The following ADGRB2 variants were observed in gnomAD, a reference collection of about 807,000 sequenced individuals.
The protein encoded by ADGRB2 is adhesion G protein-coupled receptor B2, also known as brain-specific angiogenesis inhibitor 2.
In ADGRB2, 47 loss-of-function variants were observed where a neutral mutation model predicts 178.7. That is an observed-to-expected ratio of 0.26 (90% CI 0.21 to 0.34). The LOEUF (loss-of-function observed/expected upper bound fraction) is 0.34, where lower values mean the gene tolerates loss of function less well. Ranked by LOEUF, ADGRB2 falls within the 10% of genes least tolerant of loss-of-function variation. The pLI, the probability that ADGRB2 is intolerant of heterozygous loss-of-function variation, is 1.00. For missense variants in ADGRB2, 1,584 were observed against 2,180.8 expected, an observed-to-expected ratio of 0.73 and a Z score of 5.45; for synonymous variants, 870 against 912.4, an observed-to-expected ratio of 0.95 and a Z score of 0.84.
intron 6 of ADGRB2, among the ~76,000 whole-genome samples, chr1:31,743,990 A>G (rs1333354528): frequency 3.3e-5 from 5 of 152,190 alleles, no homozygotes; most frequent in Non-Finnish European, 7.4e-5. Context: ...GCCCAGTAGC[A>G]TGGGCCCTGG....
rs1646667278 is a variant in ADGRB2, at chr1:31,753,217, A to G, written c.838+2782T>C. 6.6e-6 allele frequency among the ~76,000 whole-genome samples: 1 copy of G among 152,156 alleles called. No homozygotes were observed. Among genetic ancestry groups the G allele is most frequent in the African/African-American group, 2.4e-5 (1 of 41,436 alleles). On this transcript the variant is annotated intron_variant, in intron 4 of 32. Transcript: ENST00000373658. This position sits in a 1 kb window ranked among gnomAD's most constrained non-coding sequence, Gnocchi z 4.1. ...CCAGCCTCCGTGCCAGTCCTCCACCAAGCTCCTTCCTGCCTGCCTTTCTTT... is the reference window on the plus strand; with the variant it reads ...CCAGCCTCCGTGCCAGTCCTCCACCGAGCTCCTTCCTGCCTGCCTTTCTTT...
At chr1:31,731,732 G>GCAT (rs1303203487) in intron 28 of ADGRB2, among the ~76,000 whole-genome samples, 1 of 152,156 alleles carries the variant, frequency 6.6e-6, no homozygotes, top group Non-Finnish European at 1.5e-5. Context: ...ACCTCCCTGT[G>GCAT]CATCAGCTCC....
intron 27 of ADGRB2, 26 bp from the exon 28 acceptor site, chr1:31,732,180 T>G (rs1168598398): frequency 6.8e-6 from 11 of 1,613,916 alleles, no homozygotes; most frequent in Non-Finnish European, 8.5e-6. Flanking sequence ...GAGGGGCAGG[T>G]GGGCAGAGGG....
rs1645698139 is a variant in ADGRB2, at chr1:31,737,717, C to T, written c.2811G>A (p.Val937=). The part of the protein sequence containing the change: ...ELAGSPSVPL[V]IGCAVSCMAL... ...CCATGCACGACACTGCACAGCCGAT[C>T]ACCAGGGGGACCGAGGGGGAGCCCG... The change falls in exon 19 of 33, where the codon GTG becomes GTA. Residue 937 remains valine, a synonymous_variant. Coordinates refer to ENST00000373658, the MANE Select transcript of ADGRB2 (RefSeq NM_001364857.2). 1 of 1,613,712 alleles carries T rather than the reference C, an allele frequency of 6.2e-7. No individual in the cohort carries two copies. The highest frequency in any genetic ancestry group is 2.2e-5 in the East Asian group (1 of 44,886).
At chr1:31,736,855 AG>A (rs2148924150) in intron 20 of ADGRB2, 132 bp from the exon 21 acceptor site, 2 of 1,377,750 alleles carry the variant, frequency 1.5e-6, no homozygotes, top group East Asian at 5.0e-5. Context: ...GAGCCCTGCC[AG>A]GCACCCCCGC....
chr1:31,744,798 G>A lies in ADGRB2; in HGVS notation c.839-67C>T, dbSNP rs1353255652. ...CTAGGTTCTGTTACAGTGGCACAGT[G>A]AAGGCAGCCTTCCTTGCCCTCCGCC... On this transcript the variant is annotated intron_variant, in intron 4 of 32. Transcript: ENST00000373658. The surrounding 1 kb of genome is among the most constrained non-coding windows in gnomAD (Gnocchi z 6.7). 1.0e-5 allele frequency: 16 copies of A among 1,530,480 alleles called. No individual in the cohort carries two copies. The highest frequency in any genetic ancestry group is 1.4e-5 in the Non-Finnish European group (16 of 1,106,490). The allele number at this position is 1,530,480 out of a possible 1,614,324, so 94.8% of individuals were successfully genotyped here.
chr1:31,753,795 C>T lies in ADGRB2; in HGVS notation c.838+2204G>A, dbSNP rs2149041235. 6.6e-6 allele frequency among the ~76,000 whole-genome samples: 1 copy of T among 152,290 alleles called. No individual in the cohort carries two copies. The highest frequency in any genetic ancestry group is 1.5e-5 in the Non-Finnish European group (1 of 68,028). The stretch of plus-strand genomic sequence containing the variant: ...AGTCATGTGCCCGCTATGTCTCACA[C>T]CAGAAAGGTTGGGCAGGAGGGAGGG... On this transcript the variant is annotated intron_variant, in intron 4 of 32. Coordinates refer to ENST00000373658, the MANE Select transcript of ADGRB2 (RefSeq NM_001364857.2). This position sits in a 1 kb window ranked among gnomAD's most constrained non-coding sequence, Gnocchi z 4.1.
chr1:31,744,413 A>G lies in ADGRB2; in HGVS notation c.923-56T>C, dbSNP rs1029224497. 1.3e-6 allele frequency: 2 copies of G among 1,532,596 alleles called. No individual in the cohort carries two copies. The highest frequency in any genetic ancestry group is 1.8e-6 in the Non-Finnish European group (2 of 1,138,666). 94.9% of individuals were successfully genotyped at this position (1,532,596 alleles called of 1,614,324 possible). ...GGGCACCTCCCAAGCACTCAGTCTC[A>G]TAGGGATAGGGGGAGTGGCAGTAAG... On this transcript the variant is annotated intron_variant, in intron 5 of 32. Transcript: ENST00000373658. The surrounding 1 kb of genome is among the most constrained non-coding windows in gnomAD (Gnocchi z 6.7).
At chr1:31,736,078 A>G (rs540998215) in intron 22 of ADGRB2, among the ~76,000 whole-genome samples, 185 bp from the exon 23 acceptor site, 1 of 152,316 alleles carries the variant, frequency 6.6e-6, no homozygotes, top group Non-Finnish European at 1.5e-5. Flanking sequence ...GGTCCAGAAC[A>G]TTAGGCTCAT....
intron 4 of ADGRB2, among the ~76,000 whole-genome samples, chr1:31,750,210 T>A (rs1380438622): frequency 6.6e-6 from 1 of 152,208 alleles, no homozygotes; most frequent in Non-Finnish European, 1.5e-5. Flanking sequence ...TATGGCCTAG[T>A]CCCCAGGCCA....
At chr1:31,743,759 G>A (rs575260156) in intron 6 of ADGRB2, 1 of 158,894 alleles carries the variant, frequency 6.3e-6, no homozygotes, top group East Asian at 1.9e-4. Flanking sequence ...GTGTCCAAAG[G>A]AAGGAGGGGA....
Position 31,759,428 on chromosome 1 carries a change from C to G in ADGRB2, c.-190-1917G>C, listed in dbSNP as rs1473144206. 1.3e-6 allele frequency: 1 copy of G among 776,396 alleles called. No individual in the cohort carries two copies. Among genetic ancestry groups the G allele is most frequent in the Non-Finnish European group, 2.4e-6 (1 of 416,124 alleles). 48.1% of individuals were successfully genotyped at this position (776,396 alleles called of 1,614,324 possible). ...TGAAGCTGGATCTCCCTCCCCTACCCTGCTCCTAGGCTGCTGCTCCCTACT... is the reference window on the plus strand; with the variant it reads ...TGAAGCTGGATCTCCCTCCCCTACCGTGCTCCTAGGCTGCTGCTCCCTACT... On this transcript the variant is annotated intron_variant, in intron 1 of 32. Coordinates refer to ENST00000373658, the MANE Select transcript of ADGRB2 (RefSeq NM_001364857.2). The surrounding 1 kb of genome is among the most constrained non-coding windows in gnomAD (Gnocchi z 4.3).
intron 3 of ADGRB2, 146 bp downstream of exon 3, chr1:31,757,055 G>C (rs1570079724): frequency 1.4e-6 from 2 of 1,388,100 alleles, no homozygotes; most frequent in African/African-American, 2.9e-5. Context: ...GGTGAAATAA[G>C]TAAGGGAAAG....
In ADGRB2 at chr1:31,735,791, G is replaced by A. The variant is rs752866190; in HGVS notation, c.3267+36C>T. Reference sequence around the variant, plus strand: ...GGGAGAAACAGGATGACCCTCTGGGGCCATGCCCCTTCCAAGATGCTGAAC... The same window carrying A: ...GGGAGAAACAGGATGACCCTCTGGGACCATGCCCCTTCCAAGATGCTGAAC... On this transcript the variant is annotated intron_variant, in intron 23 of 32. Transcript: ENST00000373658. This position sits in a 1 kb window ranked among gnomAD's most constrained non-coding sequence, Gnocchi z 6.0. 5.6e-6 allele frequency: 9 copies of A among 1,603,306 alleles called. No homozygotes were observed. Among genetic ancestry groups the A allele is most frequent in the Non-Finnish European group, 7.7e-6 (9 of 1,173,810 alleles).
chr1:31,745,388 G>T (rs1646220239), intron 4 of ADGRB2, among the ~76,000 whole-genome samples: 1 of 152,232 alleles, frequency 6.6e-6, no homozygotes, highest in Non-Finnish European at 1.5e-5. Context: ...TGCTGGCCCT[G>T]AGGCCAGGAG....
rs762555863 is a variant in ADGRB2, at chr1:31,741,864, C to T, written c.1521G>A (p.Thr507=). Residue 507 remains threonine, a synonymous_variant, in exon 9 of 33, where the codon ACG becomes ACA. Coordinates refer to ENST00000373658, the MANE Select transcript of ADGRB2 (RefSeq NM_001364857.2). The surrounding 1 kb of genome is among the most constrained non-coding windows in gnomAD (Gnocchi z 6.5). Reference sequence around the variant, plus strand: ...CGGTGCCCTCGCAGGGGTAGCCCTGCGTGCCCGTGGCCTGGCACATGCGGA... The same window carrying T: ...CGGTGCCCTCGCAGGGGTAGCCCTGTGTGCCCGTGGCCTGGCACATGCGGA... The part of the protein sequence containing the change: ...RRFRMCQATG[T]QGYPCEGTGE... 67 of 1,610,324 alleles carry T rather than the reference C, an allele frequency of 4.2e-5. No homozygotes were observed. Among genetic ancestry groups the T allele is most frequent in the Admixed American group, 3.7e-4 (22 of 59,816 alleles).
rs376584625 is a variant in ADGRB2, at chr1:31,728,175, C to T, written c.4515+7G>A. The T allele has an allele frequency of 6.2e-7, 1 of 1,614,096 alleles. No individual in the cohort carries two copies. ...AGGGCAGGGGCAGCCACGGGAGGAGCCCTCACCTTGGCCGTGGACTGGCTG... is the reference window on the plus strand; with the variant it reads ...AGGGCAGGGGCAGCCACGGGAGGAGTCCTCACCTTGGCCGTGGACTGGCTG... On this transcript the variant is annotated splice_region_variant and intron_variant, in intron 31 of 32. Transcript: ENST00000373658. The surrounding 1 kb of genome is among the most constrained non-coding windows in gnomAD (Gnocchi z 6.7).
chr1:31,740,505 C>T lies in ADGRB2; in HGVS notation c.1831G>A (p.Ala611Thr), dbSNP rs572863801. 24 of 1,611,776 alleles carry T rather than the reference C, an allele frequency of 1.5e-5. No homozygotes were observed. Among genetic ancestry groups the T allele is most frequent in the Non-Finnish European group, 2.0e-5 (23 of 1,179,300 alleles). ...ACCACCTGCGACATGCCCTCGCCTG[C>T]CAGCATGCGCTGCCCCTTGGCCAGG... ...EHLAKGQRML[A>T]GEGMSQVVRS... Residue 611 changes from alanine to threonine, a missense_variant, in exon 12 of 33, where the codon GCA becomes ACA. By Grantham distance (58) the Ala-to-Thr change is moderately conservative. Coordinates refer to ENST00000373658, the MANE Select transcript of ADGRB2 (RefSeq NM_001364857.2). The surrounding 1 kb of genome is among the most constrained non-coding windows in gnomAD (Gnocchi z 5.9).
chr1:31,760,482 G>A (rs529439362), intron 1 of ADGRB2, among the ~76,000 whole-genome samples: 2 of 152,244 alleles, frequency 1.3e-5, no homozygotes, highest in Non-Finnish European at 2.9e-5. Flanking sequence ...CAGCTGAAAG[G>A]GCCAAGGCAA....
Sources: gnomAD v4.1 joint callset for allele counts (sites outside exome capture counted in the v4.1 genomes callset) on GRCh38, gnomAD v4.1.1 for gene constraint, Gnocchi (gnomAD v3.1) non-coding constraint, MANE v1.5 for transcripts, NCBI Gene and HGNC (gene_info 2026-07-23, HGNC 2026-07-21) for gene names.